Variants in KLRG1 observed in about 807,000 individuals in gnomAD.
The protein encoded by KLRG1 is killer cell lectin-like receptor subfamily G member 1.
A neutral mutation model predicts 21.8 loss-of-function variants in KLRG1; 16 were observed. That is an observed-to-expected ratio of 0.73 (90% CI 0.50 to 1.11). The LOEUF (loss-of-function observed/expected upper bound fraction) is 1.11. Ranked by LOEUF, KLRG1 falls within the 50% of genes most tolerant of loss-of-function variation. The pLI is 0.00. For missense variants in KLRG1, 173 were observed against 218.3 expected, an observed-to-expected ratio of 0.79 and a Z score of 1.31; for synonymous variants, 69 against 75.9, an observed-to-expected ratio of 0.91 and a Z score of 0.47.
chr12:9,165,249 GGA>G, the KLRG1 span: 1 of 1,614,148 alleles, frequency 6.2e-7, no homozygotes, highest in South Asian at 1.1e-5. Context: ...TGGAAGGCTC[GGA>G]GAGAGGCAGT....
intron 1 of KLRG1, among the ~76,000 whole-genome samples, chr12:8,955,421 G>T: frequency 2.0e-5 from 2 of 98,222 alleles, no homozygotes; most frequent in South Asian, 3.7e-4. Context: ...TTGAGATAGA[G>T]TCTCTATCAC....
At chr12:9,038,141 G>A in the KLRG1 span, among the ~76,000 whole-genome samples, 5 of 152,264 alleles carry the variant, frequency 3.3e-5, no homozygotes, top group East Asian at 9.6e-4. Flanking sequence ...CTTGCCTATA[G>A]TCCTACCTAT....
chr12:9,088,793 A>G, the KLRG1 span, among the ~76,000 whole-genome samples: 2 of 152,220 alleles, frequency 1.3e-5, no homozygotes, highest in Non-Finnish European at 2.9e-5. Flanking sequence ...TTTGGGAAAT[A>G]GCAATCCCGT....
At chr12:8,950,644 G>A (rs1946182899) in intron 1 of KLRG1, among the ~76,000 whole-genome samples, 1 of 151,524 alleles carries the variant, frequency 6.6e-6, no homozygotes, top group Non-Finnish European at 1.5e-5. Flanking sequence ...GCAGGTGCCT[G>A]GATTTTTGAT....
chr12:9,109,036 G>T, the KLRG1 span, among the ~76,000 whole-genome samples: 26 of 151,564 alleles, frequency 1.7e-4, no homozygotes, highest in Admixed American at 2.0e-4. Flanking sequence ...TTCCCATTTT[G>T]TGTGTGTGTG....
At chr12:9,073,904 A>G in the KLRG1 span, among the ~76,000 whole-genome samples, 1 of 152,142 alleles carries the variant, frequency 6.6e-6, no homozygotes. Context: ...CCTGGGCAAC[A>G]TGGCAAAACC....
upstream of KLRG1, among the ~76,000 whole-genome samples, chr12:8,985,710 G>T (rs1024132859): frequency 1.3e-5 from 2 of 152,166 alleles, no homozygotes; most frequent in Admixed American, 6.5e-5. Context: ...TGTAGGGCAG[G>T]GTATGGGGAA....
chr12:9,120,887 T>TG, the KLRG1 span, among the ~76,000 whole-genome samples: 1 of 51,776 alleles, frequency 1.9e-5, no homozygotes, highest in Non-Finnish European at 4.8e-5. Context: ...GTGTGTGTAT[T>TG]TTTTTTTTTC....
chr12:9,051,064 G>A, the KLRG1 span, among the ~76,000 whole-genome samples: 54 of 152,332 alleles, frequency 3.5e-4, no homozygotes, highest in African/African-American at 1.3e-3. Context: ...ACTGGAGTGG[G>A]GACTTGTAGT....
At chr12:8,961,461 G>T (rs777700576) in intron 1 of KLRG1, among the ~76,000 whole-genome samples, 2,494 of 152,158 alleles carry the variant, frequency 0.016, 80 homozygotes, top group African/African-American at 0.057. Context: ...TGCCCAGACT[G>T]GAGTGCAATG....
chr12:9,078,918 T>C, the KLRG1 span, among the ~76,000 whole-genome samples: 1 of 152,220 alleles, frequency 6.6e-6, no homozygotes, highest in South Asian at 2.1e-4. Context: ...GTTAACATGG[T>C]TTATCTGGAA....
the KLRG1 span, among the ~76,000 whole-genome samples, chr12:9,138,002 G>C: frequency 6.6e-6 from 1 of 151,928 alleles, no homozygotes; most frequent in Non-Finnish European, 1.5e-5. Flanking sequence ...GATTTGGTAG[G>C]CTTTAATTTA....
rs977327972 is a variant in KLRG1 at position 9,009,073 on chromosome 12, A to T, written c.456A>T (p.Ser152=). The change falls in exon 4 of 5, where the codon TCA becomes TCT. Residue 152 remains serine, a splice_region_variant and synonymous_variant. Coordinates refer to ENST00000356986, the MANE Select transcript of KLRG1 (RefSeq NM_005810.4). Reference sequence around the variant, plus strand: ...AAGATGGATCACCTCTAAACTTCTCAAGGTAAGGGGCTTCAAAGGAATGCA... The same window carrying T: ...AAGATGGATCACCTCTAAACTTCTCTAGGTAAGGGGCTTCAAAGGAATGCA... ...RWEDGSPLNF[S]RISSNSFVQT... is the part of the protein sequence containing the mutation. The T allele has an allele frequency of 5.0e-6, 8 of 1,606,534 alleles. No homozygotes were observed. The highest frequency in any genetic ancestry group is 6.8e-6 in the Non-Finnish European group (8 of 1,174,638).
the KLRG1 span, among the ~76,000 whole-genome samples, chr12:9,096,056 G>T: frequency 6.6e-6 from 1 of 152,162 alleles, no homozygotes; most frequent in African/African-American, 2.4e-5. Context: ...ACCGCGCCCG[G>T]CCTTTGTGAC....
At chr12:9,109,472 T>G in the KLRG1 span, 5 of 1,252,328 alleles carry the variant, frequency 4.0e-6, no homozygotes, top group Non-Finnish European at 5.8e-6. Flanking sequence ...TATTTTCAGG[T>G]TCCCTGTAAC....
At chr12:9,147,621 G>T in the KLRG1 span, among the ~76,000 whole-genome samples, 1 of 151,948 alleles carries the variant, frequency 6.6e-6, no homozygotes, top group African/African-American at 2.4e-5. Flanking sequence ...TGTGGGACAG[G>T]GGGGAAGCCT....
At chr12:9,112,275 A>G in the KLRG1 span, 1 of 1,608,380 alleles carries the variant, frequency 6.2e-7, no homozygotes, top group Non-Finnish European at 8.5e-7. Flanking sequence ...TGGTAAGACA[A>G]GCTATTAAGG....
chr12:9,168,893 C>G, the KLRG1 span: 18 of 1,613,928 alleles, frequency 1.1e-5, no homozygotes, highest in Non-Finnish European at 1.4e-5. Context: ...TGACCTACTG[C>G]TCCTGCAGAC....
At chr12:8,971,965 C>T (rs114425660) in intron 1 of KLRG1, among the ~76,000 whole-genome samples, 2,986 of 152,276 alleles carry the variant, frequency 0.02, 100 homozygotes, top group African/African-American at 0.067. Context: ...TGTCTTTTCA[C>T]TCTGTCGATT....
Sources: gnomAD v4.1 joint callset for allele counts (sites outside exome capture counted in the v4.1 genomes callset) on GRCh38, gnomAD v4.1.1 for gene constraint, MANE v1.5 for transcripts, NCBI Gene and HGNC (gene_info 2026-07-23, HGNC 2026-07-21) for gene names.